CNTNAP2: variants seen among roughly 807,000 people sequenced by gnomAD.
The protein encoded by CNTNAP2 is contactin associated protein 2, also known as contactin-associated protein-like 2.
CNTNAP2 carries 98 observed loss-of-function variants against 155.2 expected under a neutral mutation model. The observed-to-expected ratio is 0.63, with a 90% CI of 0.54 to 0.75. CNTNAP2 has a LOEUF of 0.75. CNTNAP2 is among the 30% of genes least tolerant of loss of function. CNTNAP2 has a pLI of 0.00. For missense variants in CNTNAP2, 1,727 were observed against 1,688.1 expected (o/e 1.02, Z -0.40); for synonymous variants, 651 against 631.2 (o/e 1.03, Z -0.47).
At chr7:147,068,418 C>T (rs1799825084) in intron 4 of CNTNAP2, among the ~76,000 whole-genome samples, 1 of 152,106 alleles carries the variant, frequency 6.6e-6, no homozygotes, top group Non-Finnish European at 1.5e-5. Flanking sequence ...AGTGCAGTGA[C>T]TCAATCTCAG....
intron 7 of CNTNAP2, among the ~76,000 whole-genome samples, chr7:147,131,044 A>ATATATATATGTG (rs71525989): frequency 0.46 from 65,465 of 143,588 alleles, 15,533 homozygotes; most frequent in Middle Eastern, 0.56. Context: ...ATATATACAC[A>ATATATATATGTG]TATATATATG....
intron 4 of CNTNAP2, among the ~76,000 whole-genome samples, chr7:147,057,184 C>T (rs1008820813): frequency 2.0e-5 from 3 of 152,026 alleles, no homozygotes; most frequent in Non-Finnish European, 4.4e-5. Flanking sequence ...CATTTGAAGT[C>T]GATATCATGA....
chr7:147,525,329 G>A (rs1296904721), intron 11 of CNTNAP2, among the ~76,000 whole-genome samples: 3 of 152,140 alleles, frequency 2.0e-5, no homozygotes, highest in Admixed American at 6.6e-5. Flanking sequence ...CAAATATAAG[G>A]AGAGAAATGC....
At chr7:148,385,833 G>A (rs973666324) in intron 22 of CNTNAP2, among the ~76,000 whole-genome samples, 3 of 144,516 alleles carry the variant, frequency 2.1e-5, no homozygotes, top group Non-Finnish European at 4.5e-5. Flanking sequence ...TGCCTCCTGG[G>A]TTTAAGCGAT....
intron 10 of CNTNAP2, among the ~76,000 whole-genome samples, chr7:147,432,975 A>G (rs947168695): frequency 6.6e-6 from 1 of 152,214 alleles, no homozygotes; most frequent in Non-Finnish European, 1.5e-5. Flanking sequence ...TGTAACACAT[A>G]AGCTCTAAAA....
intron 12 of CNTNAP2, among the ~76,000 whole-genome samples, chr7:147,621,283 T>C (rs969401755): frequency 4.6e-5 from 7 of 151,842 alleles, no homozygotes; most frequent in African/African-American, 1.7e-4. Context: ...CAATAAGAAA[T>C]CACCTGAAAG....
intron 10 of CNTNAP2, among the ~76,000 whole-genome samples, chr7:147,409,744 AACAG>A: frequency 6.6e-6 from 1 of 152,312 alleles, no homozygotes; most frequent in East Asian, 1.9e-4. Context: ...AAAGGACGTG[AACAG>A]ACACTTTTCA....
At chr7:147,855,843 T>C (rs1584993224) in intron 13 of CNTNAP2, among the ~76,000 whole-genome samples, 1 of 152,074 alleles carries the variant, frequency 6.6e-6, no homozygotes, top group Non-Finnish European at 1.5e-5. Context: ...GAGGCAACAT[T>C]GAAGGTTGGC....
chr7:147,799,331 C>T (rs1042586915), intron 13 of CNTNAP2, among the ~76,000 whole-genome samples: 5 of 151,986 alleles, frequency 3.3e-5, no homozygotes, highest in African/African-American at 1.2e-4. Flanking sequence ...GTTTTAGGTG[C>T]CATCAATAAT....
At chr7:146,126,449 GTTC>G (rs754013559) in intron 1 of CNTNAP2, among the ~76,000 whole-genome samples, 65 of 152,224 alleles carry the variant, frequency 4.3e-4, no homozygotes, top group African/African-American at 9.9e-4. Context: ...TGTCATTTTT[GTTC>G]TTCTTCACAA....
chr7:147,487,420 A>G (rs1375223823), intron 11 of CNTNAP2, among the ~76,000 whole-genome samples: 1 of 152,232 alleles, frequency 6.6e-6, no homozygotes, highest in Non-Finnish European at 1.5e-5. Context: ...ATTAACCTCC[A>G]GTATGTGACA....
At chr7:146,142,396 A>G (rs1203365557) in intron 1 of CNTNAP2, among the ~76,000 whole-genome samples, 2 of 152,196 alleles carry the variant, frequency 1.3e-5, no homozygotes, top group African/African-American at 4.8e-5. Flanking sequence ...GCAAGGTACA[A>G]ACTTTATACA....
At chr7:147,006,424 T>G (rs888426820) in intron 3 of CNTNAP2, among the ~76,000 whole-genome samples, 3 of 152,038 alleles carry the variant, frequency 2.0e-5, no homozygotes, top group African/African-American at 7.2e-5. Flanking sequence ...AAATGAAAAT[T>G]TATGCCCTGT....
At chr7:146,181,506 T>C (rs1390234079) in intron 1 of CNTNAP2, among the ~76,000 whole-genome samples, 3 of 152,172 alleles carry the variant, frequency 2.0e-5, no homozygotes, top group African/African-American at 7.2e-5. Flanking sequence ...GTTTTACATA[T>C]CCTTCCATAA....
intron 1 of CNTNAP2, among the ~76,000 whole-genome samples, chr7:146,520,994 A>G (rs1268958470): frequency 6.6e-6 from 1 of 151,910 alleles, no homozygotes; most frequent in Non-Finnish European, 1.5e-5. Flanking sequence ...TCCTTCAAAA[A>G]TCTTGACTTT....
At chr7:146,541,673 A>G (rs1247486096) in intron 1 of CNTNAP2, among the ~76,000 whole-genome samples, 1 of 151,970 alleles carries the variant, frequency 6.6e-6, no homozygotes, top group East Asian at 1.9e-4. Flanking sequence ...AGCAATAGGC[A>G]TTTGTAAAAG....
At chr7:147,861,760 A>T (rs1799136745) in intron 13 of CNTNAP2, among the ~76,000 whole-genome samples, 1 of 152,148 alleles carries the variant, frequency 6.6e-6, no homozygotes, top group Non-Finnish European at 1.5e-5. Flanking sequence ...TCATGGCTGT[A>T]ATCCCAGCAC....
At chr7:148,298,694 A>C (rs775076918) in intron 21 of CNTNAP2, among the ~76,000 whole-genome samples, 2 of 151,964 alleles carry the variant, frequency 1.3e-5, no homozygotes, top group Non-Finnish European at 2.9e-5. Context: ...ACATATATAC[A>C]TATATATATA....
rs78802788 is a variant in CNTNAP2 at position 147,010,685 on chromosome 7, A to C, written c.403-33222A>C. Among the ~76,000 whole-genome samples, 133 of 152,244 alleles carry C rather than the reference A, an allele frequency of 8.7e-4. 2 individuals are homozygous for C. The East Asian group carries it at 0.024, about 28-fold the overall frequency. ...TTATGGACAAAGACATGAGTAAATA[A>C]ATGGAGAGAAGAGAAAGCTTTTTCT... On this transcript the variant is annotated intron_variant, in intron 3 of 23. Coordinates refer to ENST00000361727, the MANE Select transcript of CNTNAP2 (RefSeq NM_014141.6).
Sources: gnomAD v4.1 joint callset for allele counts (sites outside exome capture counted in the v4.1 genomes callset) on GRCh38, gnomAD v4.1.1 for gene constraint, MANE v1.5 for transcripts, NCBI Gene and HGNC (gene_info 2026-07-23, HGNC 2026-07-21) for gene names.